Variants in SGK2 observed in about 807,000 individuals in gnomAD.
SGK2 encodes serum/glucocorticoid regulated kinase 2.
SGK2 carries 36 observed loss-of-function variants against 47.5 expected under a neutral mutation model. That is an observed-to-expected ratio of 0.76 (90% CI 0.58 to 1.00). The LOEUF is 1.00. SGK2 is among the 50% of genes least tolerant of loss of function. The pLI is 0.00. For synonymous variants in SGK2, 157 were observed against 181.9 expected (o/e 0.86, Z 1.10); for missense variants, 404 against 467.4 (o/e 0.86, Z 1.25).
chr20:43,563,773 G>A (rs763234705), intron 1 of SGK2, among the ~76,000 whole-genome samples: 16 of 152,310 alleles, frequency 1.1e-4, no homozygotes, highest in South Asian at 2.1e-4. Context: ...GAAAATAAAT[G>A]TCCTTGTTCT....
chr20:43,567,162 A>G (rs1979784126), intron 3 of SGK2, 45 bp downstream of exon 3: 1 of 1,491,856 alleles, frequency 6.7e-7, no homozygotes, highest in African/African-American at 1.4e-5. Context: ...GACTCCCCTC[A>G]TACCTGGCTC....
At chr20:43,573,880 T>A (rs376926995) in intron 9 of SGK2, among the ~76,000 whole-genome samples, 2 of 152,160 alleles carry the variant, frequency 1.3e-5, no homozygotes, top group Non-Finnish European at 2.9e-5. Context: ...ACAAAGGATA[T>A]GGAACCCCAG....
At position 43,576,324 on chromosome 20, in the gene SGK2, T is replaced by G; in HGVS notation, c.794T>G (p.Leu265Arg). Residue 265 changes from leucine (L) to arginine (R), a missense_variant, in exon 11 of 13, where the codon CTG (leucine) becomes CGG (arginine). Leu to Arg is a moderately radical substitution (Grantham distance 102). Transcript: ENST00000373100. ...CGGACAGTGGCCGCCTGTGACCTCC[T>G]GCAAAGCCTTCTCCACAAGGACCAG... Reference protein sequence around the residue: ...GGRTVAACDLLQSLLHKDQRQ... With the variant: ...GGRTVAACDLRQSLLHKDQRQ... The G allele has an allele frequency of 6.2e-7, 1 of 1,614,230 alleles. No individual in the cohort carries two copies. The highest frequency in any genetic ancestry group is 8.5e-7 in the Non-Finnish European group (1 of 1,180,038).
intron 1 of SGK2, among the ~76,000 whole-genome samples, chr20:43,563,089 T>G (rs1474256001): frequency 7.9e-5 from 11 of 139,912 alleles, no homozygotes; most frequent in Non-Finnish European, 1.5e-4. Flanking sequence ...TGAGTTGAGA[T>G]AGCACCACTG....
Position 43,574,985 on chromosome 20 carries a change from A to G in SGK2, c.674A>G (p.Tyr225Cys), listed in dbSNP as rs1440232558. Residue 225 changes from tyrosine (Y) to cysteine (C), a missense_variant, in exon 10 of 13, where the codon TAC becomes TGC. Coordinates refer to ENST00000373100, the MANE Select transcript of SGK2 (RefSeq NM_170693.3). ...VDWWCLGAVL[Y>C]EMLHGLPPFY... is the part of the protein sequence containing the mutation. ...TGGTGGTGCTTGGGGGCAGTCCTCT[A>G]CGAGATGCTCCATGGCCTGGTGAGT... is the stretch of plus-strand genomic sequence containing the variant. The G allele has an allele frequency of 5.6e-6, 9 of 1,613,490 alleles. No homozygotes were observed. Among genetic ancestry groups the G allele is most frequent in the South Asian group, 2.2e-5 (2 of 91,058 alleles).
chr20:43,575,070 T>G (rs1219670214), intron 10 of SGK2, 66 bp downstream of exon 10: 1 of 1,064,082 alleles, frequency 9.4e-7, no homozygotes, highest in Non-Finnish European at 1.4e-6. Flanking sequence ...TCATGTGGTC[T>G]ACACAAGCTC....
chr20:43,577,310 C>T (rs796338757), intron 11 of SGK2, among the ~76,000 whole-genome samples: 5 of 149,340 alleles, frequency 3.3e-5, no homozygotes, highest in African/African-American at 7.4e-5. Flanking sequence ...GAAGATTCCT[C>T]GGGCTTCTTT....
chr20:43,565,040 AG>A (rs1979608187), intron 1 of SGK2: 1 of 152,374 alleles, frequency 6.6e-6, no homozygotes, highest in Non-Finnish European at 1.5e-5. Context: ...CGTCCCCGCT[AG>A]GGTGAGATGG....
chr20:43,568,039 T>C (rs1204185721), intron 5 of SGK2, 40 bp downstream of exon 5: 2 of 1,559,556 alleles, frequency 1.3e-6, no homozygotes, highest in Non-Finnish European at 1.8e-6. Context: ...CTTCTGCTTC[T>C]CAAGCCGCAG....
chr20:43,583,846 C>T (rs1379969840), intron 12 of SGK2, among the ~76,000 whole-genome samples: 1 of 152,148 alleles, frequency 6.6e-6, no homozygotes, highest in Non-Finnish European at 1.5e-5. Context: ...GCTGCATGCC[C>T]AGCTACTCAG....
chr20:43,567,157 C>T (rs763091277), intron 3 of SGK2, 40 bp downstream of exon 3: 3 of 1,528,656 alleles, frequency 2.0e-6, no homozygotes, highest in Non-Finnish European at 1.8e-6. Flanking sequence ...TACTTGACTC[C>T]CCTCATACCT....
intron 1 of SGK2, among the ~76,000 whole-genome samples, chr20:43,562,032 C>G (rs1979416698): frequency 6.6e-6 from 1 of 151,938 alleles, no homozygotes; most frequent in Admixed American, 6.6e-5. Flanking sequence ...GGCGGTAGTG[C>G]CATTATTGAG....
At chr20:43,581,524 G>GT (rs1402379172) in intron 12 of SGK2, among the ~76,000 whole-genome samples, 3 of 151,902 alleles carry the variant, frequency 2.0e-5, no homozygotes, top group Admixed American at 6.6e-5. Flanking sequence ...CAATGCTAAT[G>GT]TTTTTTAGAT....
At chr20:43,582,121 T>TA (rs1286689845) in intron 12 of SGK2, among the ~76,000 whole-genome samples, 1 of 151,512 alleles carries the variant, frequency 6.6e-6, no homozygotes, top group Non-Finnish European at 1.5e-5. Context: ...GATCTCTGCC[T>TA]ATTGCAACCT....
At chr20:43,565,232 C>T (rs1408086564) in intron 1 of SGK2, 1 of 152,316 alleles carries the variant, frequency 6.6e-6, no homozygotes, top group Non-Finnish European at 1.5e-5. Flanking sequence ...TTGTCCACTG[C>T]CTGTCTTCGG....
intron 1 of SGK2, among the ~76,000 whole-genome samples, chr20:43,562,115 G>A (rs925632742): frequency 6.6e-6 from 1 of 151,982 alleles, no homozygotes; most frequent in Non-Finnish European, 1.5e-5. Flanking sequence ...TTTTGGACAT[G>A]TTAACTTCGA....
chr20:43,567,503 G>A (rs1255582175), intron 3 of SGK2, among the ~76,000 whole-genome samples, 162 bp from the exon 4 acceptor site: 4 of 152,106 alleles, frequency 2.6e-5, no homozygotes, highest in Non-Finnish European at 4.4e-5. Flanking sequence ...GCCCTCTTTC[G>A]GCTGGGAGAA....
At chr20:43,582,959 G>A (rs6030966) in intron 12 of SGK2, among the ~76,000 whole-genome samples, 73 of 152,302 alleles carry the variant, frequency 4.8e-4, no homozygotes, top group African/African-American at 1.6e-3. Context: ...GCCTCCCAAA[G>A]TGCTAGTTTT....
rs555146780 is a variant in SGK2 at position 43,572,413 on chromosome 20, C to T, written c.597+276C>T. 5.3e-5 allele frequency among the ~76,000 whole-genome samples: 8 copies of T among 152,350 alleles called. No individual in the cohort carries two copies. The highest frequency in any genetic ancestry group is 9.6e-5 in the African/African-American group (4 of 41,582). Reference sequence around the variant, plus strand: ...AACGCAGGCTGGGCACAGTGGCTCACGCCTGTAATCCCAGCACTTTGGGAG... The same window carrying T: ...AACGCAGGCTGGGCACAGTGGCTCATGCCTGTAATCCCAGCACTTTGGGAG... On this transcript the variant is annotated intron_variant, in intron 9 of 12. Transcript: ENST00000373100. The surrounding 1 kb of genome is among the most constrained non-coding windows in gnomAD (Gnocchi z 4.2).
Sources: allele counts gnomAD v4.1 joint callset (sites outside exome capture counted in the v4.1 genomes callset), GRCh38; gene constraint gnomAD v4.1.1; non-coding constraint Gnocchi (gnomAD v3.1); transcripts MANE v1.5; gene names NCBI Gene and HGNC (gene_info 2026-07-23, HGNC 2026-07-21).